The following RGPD2 variants were observed in gnomAD, a reference collection of about 807,000 sequenced individuals.
RGPD2 encodes the protein RANBP2-like and GRIP domain-containing protein 2.
In RGPD2, 2 loss-of-function variants were observed where a neutral mutation model predicts 36.0. The observed-to-expected ratio is 0.06, with a 90% CI of 0.02 to 0.17. The LOEUF (loss-of-function observed/expected upper bound fraction) is 0.17, where lower values mean the gene tolerates loss of function less well. RGPD2 is among the 10% of genes least tolerant of loss of function. The pLI is 1.00. For missense variants in RGPD2, 40 were observed against 464.3 expected, an observed-to-expected ratio of 0.09 and a Z score of 8.40; for synonymous variants, 19 against 163.8, an observed-to-expected ratio of 0.12 and a Z score of 6.75.
chr2:87,826,989 G>A (rs1039525310), upstream of RGPD2, among the ~76,000 whole-genome samples: 1 of 138,330 alleles, frequency 7.2e-6, no homozygotes, highest in African/African-American at 2.7e-5. Context: ...GATGCTTGCA[G>A]GGATTAAAGA....
the RGPD2 span, among the ~76,000 whole-genome samples, chr2:87,836,149 G>A: frequency 2.5e-3 from 348 of 141,416 alleles, no homozygotes; most frequent in Middle Eastern, 7.7e-3. Context: ...TACCATACAG[G>A]ATGACCATTC....
the RGPD2 span, among the ~76,000 whole-genome samples, chr2:87,955,029 C>T: frequency 5.4e-5 from 2 of 37,058 alleles, no homozygotes; most frequent in Admixed American, 4.7e-4. Flanking sequence ...TTGTTTGAGA[C>T]GGAGTCTCGC....
chr2:87,853,050 G>T, the RGPD2 span, among the ~76,000 whole-genome samples: 1 of 152,216 alleles, frequency 6.6e-6, no homozygotes, highest in Admixed American at 6.5e-5. Context: ...TTGAGTTAAT[G>T]ACCTGCTCGG....
the RGPD2 span, among the ~76,000 whole-genome samples, chr2:87,856,946 T>C: frequency 6.6e-6 from 1 of 152,124 alleles, no homozygotes; most frequent in Non-Finnish European, 1.5e-5. Context: ...ATACTATCTG[T>C]TAGCCATAAA....
At chr2:87,760,910 C>G (rs529081232) in intron 22 of RGPD2, among the ~76,000 whole-genome samples, 1 of 150,394 alleles carries the variant, frequency 6.6e-6, no homozygotes, top group Admixed American at 6.6e-5. Context: ...AGCCACCATG[C>G]CTGGCTTTCT....
chr2:87,896,930 T>C, the RGPD2 span, among the ~76,000 whole-genome samples: 1 of 150,444 alleles, frequency 6.6e-6, no homozygotes, highest in East Asian at 2.0e-4. Flanking sequence ...AATAGATGAG[T>C]CGAAAGCCAC....
At chr2:87,983,106 G>A in the RGPD2 span, among the ~76,000 whole-genome samples, 2 of 147,480 alleles carry the variant, frequency 1.4e-5, no homozygotes, top group African/African-American at 5.0e-5. Flanking sequence ...GATCACTTGA[G>A]CTCAGGAGTT....
chr2:87,957,129 G>GA, the RGPD2 span, among the ~76,000 whole-genome samples: 6 of 151,580 alleles, frequency 4.0e-5, no homozygotes, highest in Non-Finnish European at 8.8e-5. Flanking sequence ...TGTTACTGTG[G>GA]ACTGAATTTA....
At chr2:87,885,319 C>T in the RGPD2 span, among the ~76,000 whole-genome samples, 2 of 152,062 alleles carry the variant, frequency 1.3e-5, no homozygotes, top group Non-Finnish European at 2.9e-5. Flanking sequence ...ATGATAAAGT[C>T]TATTAACAAA....
At chr2:87,777,736 C>T (rs1410215352) in intron 20 of RGPD2, among the ~76,000 whole-genome samples, 1 of 151,394 alleles carries the variant, frequency 6.6e-6, no homozygotes, top group Non-Finnish European at 1.5e-5. Context: ...TCACAGCAAC[C>T]TCTGCCTCCC....
upstream of RGPD2, among the ~76,000 whole-genome samples, chr2:87,827,383 G>C (rs565865818): frequency 2.0e-5 from 3 of 151,662 alleles, no homozygotes; most frequent in Non-Finnish European, 4.4e-5. Flanking sequence ...GATAACCTGG[G>C]TTCAAATTCC....
the RGPD2 span, among the ~76,000 whole-genome samples, chr2:87,893,510 C>CT: frequency 3.7e-5 from 5 of 134,182 alleles, no homozygotes; most frequent in African/African-American, 1.2e-4. Context: ...CCTAATAAAG[C>CT]TTATAAGGGG....
At chr2:87,974,944 C>T in the RGPD2 span, among the ~76,000 whole-genome samples, 2 of 152,132 alleles carry the variant, frequency 1.3e-5, no homozygotes, top group Non-Finnish European at 2.9e-5. Flanking sequence ...CCTGTCCCTC[C>T]TCTGTTTAAT....
At chr2:87,858,125 G>A in the RGPD2 span, among the ~76,000 whole-genome samples, 6 of 152,018 alleles carry the variant, frequency 3.9e-5, no homozygotes, top group Admixed American at 6.5e-5. Flanking sequence ...TGAGTCATAC[G>A]TACTCAGACA....
At chr2:87,961,263 G>C in the RGPD2 span, among the ~76,000 whole-genome samples, 24,772 of 152,116 alleles carry the variant, frequency 0.16, 2,589 homozygotes, top group Non-Finnish European at 0.23. Context: ...TAAATTCCAA[G>C]AGGAAAGCGC....
chr2:87,929,165 G>A, the RGPD2 span, among the ~76,000 whole-genome samples: 1 of 151,730 alleles, frequency 6.6e-6, no homozygotes, highest in Non-Finnish European at 1.5e-5. Context: ...TTGTCTTCCA[G>A]GGTTTTTTTT....
chr2:87,830,605 A>T (rs1401639362), upstream of RGPD2, among the ~76,000 whole-genome samples: 1 of 152,176 alleles, frequency 6.6e-6, no homozygotes, highest in East Asian at 1.9e-4. Flanking sequence ...GCTCATTCTC[A>T]TACTGCTATG....
chr2:87,943,740 CTA>C, the RGPD2 span, among the ~76,000 whole-genome samples: 1 of 151,562 alleles, frequency 6.6e-6, no homozygotes, highest in Non-Finnish European at 1.5e-5. Flanking sequence ...AGCTTTCCCT[CTA>C]TGTTTTCTTC....
chr2:87,960,057 G>C, the RGPD2 span, among the ~76,000 whole-genome samples: 63 of 35,894 alleles, frequency 1.8e-3, no homozygotes, highest in Admixed American at 3.3e-3. Flanking sequence ...TTCTTTTTGG[G>C]GGGGCTGGGG....
Sources: allele counts gnomAD v4.1 joint callset (sites outside exome capture counted in the v4.1 genomes callset), GRCh38; gene constraint gnomAD v4.1.1; transcripts MANE v1.5; gene names NCBI Gene and HGNC (gene_info 2026-07-23, HGNC 2026-07-21).